The following EIF4ENIF1 variants were observed in gnomAD, a reference collection of about 807,000 sequenced individuals.
EIF4ENIF1 encodes eukaryotic translation initiation factor 4E transporter.
In EIF4ENIF1, 23 loss-of-function variants were observed where a neutral mutation model predicts 110.5. The observed-to-expected ratio is 0.21, with a 90% confidence interval of 0.15 to 0.29. The LOEUF (loss-of-function observed/expected upper bound fraction) is 0.29. Among genes scored for constraint, EIF4ENIF1 ranks in the 10% least tolerant of loss-of-function variants. The pLI, the probability that EIF4ENIF1 is intolerant of heterozygous loss-of-function variation, is 1.00. For missense variants in EIF4ENIF1, 1,031 were observed against 1,221.1 expected, an observed-to-expected ratio of 0.84 and a Z score of 2.32; for synonymous variants, 440 against 437.0, an observed-to-expected ratio of 1.01 and a Z score of -0.09.
intron 3 of EIF4ENIF1, among the ~76,000 whole-genome samples, chr22:31,469,103 T>A (rs2051282126): frequency 6.6e-6 from 1 of 152,178 alleles, no homozygotes; most frequent in South Asian, 2.1e-4. Context: ...ATGTGTAGTT[T>A]AGGTTTTATT....
At chr22:31,454,079 A>T in intron 10 of EIF4ENIF1, 65 bp downstream of exon 10, 2 of 1,434,104 alleles carry the variant, frequency 1.4e-6, no homozygotes, top group South Asian at 1.2e-5. Flanking sequence ...AAATCCTTTT[A>T]TTGTGGTGGG....
chr22:31,477,368 A>C (rs1285074582), intron 2 of EIF4ENIF1, among the ~76,000 whole-genome samples: 1 of 133,160 alleles, frequency 7.5e-6, no homozygotes, highest in Non-Finnish European at 1.6e-5. Context: ...AAAAAAAAAA[A>C]AAAAAACAAA....
chr22:31,444,607 A>G lies in EIF4ENIF1; in HGVS notation c.2072T>C (p.Met691Thr). 1.2e-6 allele frequency: 2 copies of G among 1,614,030 alleles called. No individual in the cohort carries two copies. Among genetic ancestry groups the G allele is most frequent in the Non-Finnish European group, 1.7e-6 (2 of 1,179,918 alleles). Reference protein sequence around the residue: ...SPAPAASITSMLSPSFTPTSV... With the variant: ...SPAPAASITSTLSPSFTPTSV... ...TCACAGTTACTAAAGGTCACTGACC[A>G]TGCTTGTGATGGAGGCAGCAGGGGC... The change falls in exon 15 of 19, where the codon ATG becomes ACG. Residue 691 changes from methionine to threonine, a missense_variant and splice_region_variant. This residue lies in a region of EIF4ENIF1 where 704 missense variants were observed against 879.7 expected (regional missense o/e 0.80). Coordinates refer to ENST00000330125, the MANE Select transcript of EIF4ENIF1 (RefSeq NM_019843.4).
chr22:31,484,317 A>C (rs2051937563), intron 2 of EIF4ENIF1, among the ~76,000 whole-genome samples: 1 of 152,156 alleles, frequency 6.6e-6, no homozygotes, highest in Non-Finnish European at 1.5e-5. Flanking sequence ...ATTACTCTGA[A>C]AAGCACCTGA....
At position 31,447,537 on chromosome 22, in the gene EIF4ENIF1, G is replaced by C. The variant is rs368438875; in HGVS notation, c.1877C>G (p.Ala626Gly). Residue 626 changes from alanine to glycine, a missense_variant, in exon 14 of 19, where the codon GCT (alanine) becomes GGT (glycine). This residue lies in a region of EIF4ENIF1 where 704 missense variants were observed against 879.7 expected (regional missense o/e 0.80). Transcript: ENST00000330125. ...ATGTGGCAAGGCCAGCCCTTCTAAA[G>C]CTGCCTGTTGCAACTCCAGCTGGCT... The part of the protein sequence containing the change: ...QMSQLELQQA[A>G]LEGLALPHDL... The C allele has an allele frequency of 5.0e-6, 8 of 1,608,126 alleles. No individual in the cohort carries two copies. Among genetic ancestry groups the C allele is most frequent in the Non-Finnish European group, 8.5e-7 (1 of 1,176,174 alleles).
chr22:31,451,543 G>A (rs183981002), intron 10 of EIF4ENIF1, among the ~76,000 whole-genome samples: 19 of 152,112 alleles, frequency 1.2e-4, no homozygotes, highest in Non-Finnish European at 1.9e-4. Flanking sequence ...CAAAGTACTG[G>A]GATTACAGGC....
At chr22:31,456,263 A>C (rs570294242) in intron 7 of EIF4ENIF1, among the ~76,000 whole-genome samples, 3 of 137,988 alleles carry the variant, frequency 2.2e-5, no homozygotes, top group South Asian at 2.2e-4. Flanking sequence ...TCGCTCTGTC[A>C]CCCAGGCTGG....
intron 12 of EIF4ENIF1, 73 bp from the exon 13 acceptor site, chr22:31,448,305 T>A: frequency 7.0e-7 from 1 of 1,431,274 alleles, no homozygotes; most frequent in Non-Finnish European, 9.9e-7. Flanking sequence ...CATTAATGCA[T>A]GACATTTCTT....
At chr22:31,448,117 A>G (rs1428499125) in intron 13 of EIF4ENIF1, 36 bp downstream of exon 13, 1 of 1,610,020 alleles carries the variant, frequency 6.2e-7, no homozygotes. Flanking sequence ...GGTGAAGGGC[A>G]AGCAAGAGAT....
Position 31,442,092 on chromosome 22 carries a change from G to A in EIF4ENIF1, c.2233C>T (p.Pro745Ser). 2 of 1,612,232 alleles carry A rather than the reference G, an allele frequency of 1.2e-6. No homozygotes were observed. The highest frequency in any genetic ancestry group is 2.2e-5 in the South Asian group (2 of 91,008). Reference sequence around the variant, plus strand: ...GGAGAAGAGTCTCGATCGGCACTGGGTACAGAGCTGGATGACAGGAGGTTT... The same window carrying A: ...GGAGAAGAGTCTCGATCGGCACTGGATACAGAGCTGGATGACAGGAGGTTT... Reference protein sequence around the residue: ...EENLLSSSSVPSADRDSSPTT... With the variant: ...EENLLSSSSVSSADRDSSPTT... The change falls in exon 17 of 19, where the codon CCC becomes TCC. Residue 745 changes from proline (P) to serine (S), a missense_variant. Physicochemically the swap from Pro to Ser is moderately conservative, Grantham distance 74 (BLOSUM62 -1). Transcript: ENST00000330125.
At chr22:31,469,902 CCTG>C (rs942223358) in intron 3 of EIF4ENIF1, among the ~76,000 whole-genome samples, 4 of 152,000 alleles carry the variant, frequency 2.6e-5, no homozygotes, top group Non-Finnish European at 2.9e-5. Context: ...GTGGCTCATG[CCTG>C]CTAATCCCAG....
At chr22:31,470,410 A>G (rs1292679255) in intron 3 of EIF4ENIF1, among the ~76,000 whole-genome samples, 1 of 151,640 alleles carries the variant, frequency 6.6e-6, no homozygotes, top group Non-Finnish European at 1.5e-5. Context: ...CCTCCCGAGT[A>G]GCTGGGACTA....
intron 2 of EIF4ENIF1, among the ~76,000 whole-genome samples, chr22:31,473,350 T>A (rs1488849884): frequency 1.3e-5 from 2 of 151,960 alleles, no homozygotes; most frequent in African/African-American, 4.8e-5. Flanking sequence ...GAACTGCCAG[T>A]TTTTTTTATA....
chr22:31,458,899 T>C (rs1321551200), intron 6 of EIF4ENIF1, among the ~76,000 whole-genome samples: 1 of 151,452 alleles, frequency 6.6e-6, no homozygotes, highest in Non-Finnish European at 1.5e-5. Flanking sequence ...CGTGGGAACT[T>C]CATATTTTCT....
At chr22:31,461,658 C>T (rs1569084881) in intron 6 of EIF4ENIF1, 1 of 152,248 alleles carries the variant, frequency 6.6e-6, no homozygotes, top group Non-Finnish European at 1.5e-5. Flanking sequence ...GTCTCAAACT[C>T]CTGACCTCAA....
intron 7 of EIF4ENIF1, among the ~76,000 whole-genome samples, chr22:31,456,438 T>A (rs571349573): frequency 1.3e-5 from 2 of 152,078 alleles, no homozygotes; most frequent in Non-Finnish European, 2.9e-5. Context: ...TTAGCCAGGA[T>A]GGTCTCGATC....
intron 7 of EIF4ENIF1, among the ~76,000 whole-genome samples, chr22:31,457,168 C>T (rs991084468): frequency 1.3e-5 from 2 of 152,190 alleles, no homozygotes; most frequent in East Asian, 3.8e-4. Flanking sequence ...TTCAACTGAT[C>T]TCTAATTTCT....
chr22:31,437,582 A>C (rs760867936), downstream of EIF4ENIF1: 3 of 151,682 alleles, frequency 2.0e-5, no homozygotes, highest in Non-Finnish European at 2.9e-5. Flanking sequence ...TTTGCCAATC[A>C]CCAGCTAATG....
chr22:31,457,958 GGTGGCTCA>G (rs1201530108), intron 7 of EIF4ENIF1, among the ~76,000 whole-genome samples: 2 of 152,028 alleles, frequency 1.3e-5, no homozygotes, highest in African/African-American at 4.8e-5. Flanking sequence ...AGCCAGGTGC[GGTGGCTCA>G]CGCCTGTAAT....
Sources: gnomAD v4.1 joint callset for allele counts (sites outside exome capture counted in the v4.1 genomes callset) on GRCh38, gnomAD v4.1.1 for gene constraint, gnomAD v4.1.1 regional missense constraint, MANE v1.5 for transcripts, NCBI Gene and HGNC (gene_info 2026-07-23, HGNC 2026-07-21) for gene names.